Variants in FUBP3 observed in about 807,000 individuals in gnomAD.
The protein encoded by FUBP3 is far upstream element binding protein 3.
In FUBP3, 28 loss-of-function variants were observed where a neutral mutation model predicts 85.6. That is an observed-to-expected ratio of 0.33 (90% CI 0.24 to 0.45). FUBP3 has a LOEUF of 0.45. Among genes scored for constraint, FUBP3 ranks in the 20% least tolerant of loss-of-function variants. FUBP3 has a pLI of 1.00. For missense variants in FUBP3, 583 were observed against 755.1 expected, an observed-to-expected ratio of 0.77 and a Z score of 2.67; for synonymous variants, 271 against 271.4, an observed-to-expected ratio of 1.00 and a Z score of 0.01.
rs761598150 is a variant in FUBP3, at chr9:130,586,724, TC to T, written c.84+6961del. Among the ~76,000 whole-genome samples, 173 of 147,716 alleles carry T rather than the reference TC, an allele frequency of 1.2e-3. 1 individual carries two copies. The highest frequency in any genetic ancestry group is 2.9e-3 in the Admixed American group (42 of 14,526). ...AGAGGTGGTTGGGTGGTTTTTCATCTCAATGAGGTGGCTGAAGCAGCAATCT... is the reference window on the plus strand; with the variant it reads ...AGAGGTGGTTGGGTGGTTTTTCATCTAATGAGGTGGCTGAAGCAGCAATCT... On this transcript the variant is annotated intron_variant, in intron 1 of 18. Coordinates refer to ENST00000319725, the MANE Select transcript of FUBP3 (RefSeq NM_003934.2).
chr9:130,636,278 G>C, intron 18 of FUBP3, 152 bp downstream of exon 18: 1 of 796,230 alleles, frequency 1.3e-6, no homozygotes. Context: ...TCTGCTGAGA[G>C]CCCGGCTCCA....
chr9:130,586,578 A>G (rs1285786712), intron 1 of FUBP3, among the ~76,000 whole-genome samples: 1 of 151,836 alleles, frequency 6.6e-6, no homozygotes, highest in Non-Finnish European at 1.5e-5. Context: ...CTCATTTTAT[A>G]TTTGAAAATA....
intron 12 of FUBP3, 29 bp from the exon 13 acceptor site, chr9:130,630,599 C>G: frequency 6.4e-7 from 1 of 1,551,288 alleles, no homozygotes; most frequent in Non-Finnish European, 8.7e-7. Context: ...TCTCTGCTTA[C>G]TCTTCTGCCT....
intron 11 of FUBP3, among the ~76,000 whole-genome samples, chr9:130,624,648 TG>T (rs1261827563): frequency 7.4e-5 from 11 of 148,976 alleles, no homozygotes; most frequent in Admixed American, 3.3e-4. Context: ...TGTGTGTGTG[TG>T]TGTTTTTAAG....
At chr9:130,603,347 CAAA>C (rs34850259) in intron 2 of FUBP3, among the ~76,000 whole-genome samples, 1 of 83,818 alleles carries the variant, frequency 1.2e-5, no homozygotes, top group South Asian at 4.1e-4. Context: ...ACTCTGTCTC[CAAA>C]AAAAAAAAAA....
Position 130,613,035 on chromosome 9 carries a change from C to CT in FUBP3, c.346+13dup. Reference sequence around the variant, plus strand: ...AAATTCAGATTGCTTCAGGTAAGGGCTTTTTAAAAATAGATATCAATTTTG... The same window carrying CT: ...AAATTCAGATTGCTTCAGGTAAGGGCTTTTTTAAAAATAGATATCAATTTTG... On this transcript the variant is annotated intron_variant, in intron 5 of 18. Transcript: ENST00000319725. 1 of 1,575,640 alleles carries CT rather than the reference C, an allele frequency of 6.3e-7. No homozygotes were observed. Among genetic ancestry groups the CT allele is most frequent in the East Asian group, 2.2e-5 (1 of 44,740 alleles).
intron 2 of FUBP3, among the ~76,000 whole-genome samples, chr9:130,605,365 G>T (rs563547365): frequency 6.6e-6 from 1 of 152,328 alleles, no homozygotes; most frequent in East Asian, 1.9e-4. Context: ...GTGAGATGAA[G>T]AATGATCAAG....
chr9:130,596,697 T>C, intron 2 of FUBP3: 1 of 446,210 alleles, frequency 2.2e-6, no homozygotes, highest in South Asian at 1.6e-5. Flanking sequence ...TAGACTTGTT[T>C]GCAAATCTCA....
At chr9:130,621,548 A>G (rs1433077241) in intron 9 of FUBP3, among the ~76,000 whole-genome samples, 3 of 152,210 alleles carry the variant, frequency 2.0e-5, no homozygotes, top group African/African-American at 2.4e-5. Flanking sequence ...TCTTTTATCT[A>G]TAAGGCTTAT....
intron 2 of FUBP3, among the ~76,000 whole-genome samples, chr9:130,606,391 C>G (rs961394280): frequency 2.6e-5 from 4 of 152,150 alleles, no homozygotes; most frequent in African/African-American, 4.8e-5. Flanking sequence ...TCTCCCCACC[C>G]CCCCCCAACA....
Position 130,622,748 on chromosome 9 carries a change from G to T in FUBP3, c.812G>T (p.Arg271Ile). 1 of 1,602,212 alleles carries T rather than the reference G, an allele frequency of 6.2e-7. No individual in the cohort carries two copies. The highest frequency in any genetic ancestry group is 8.5e-7 in the Non-Finnish European group (1 of 1,171,670). Residue 271 changes from arginine to isoleucine, a missense_variant, in exon 10 of 19, where the codon AGA becomes ATA. By Grantham distance (97) the Arg-to-Ile change is moderately conservative (BLOSUM62 -3). Transcript: ENST00000319725. ...PRFAVGIVIG[R>I]NGEMIKKIQN... Reference sequence around the variant, plus strand: ...TTTGCTGTGGGGATTGTAATAGGAAGAAACGGGGAAATGATCAAAAAGATC... The same window carrying T: ...TTTGCTGTGGGGATTGTAATAGGAATAAACGGGGAAATGATCAAAAAGATC...
intron 5 of FUBP3, among the ~76,000 whole-genome samples, 166 bp from the exon 6 acceptor site, chr9:130,614,122 T>C (rs1831882055): frequency 6.6e-6 from 1 of 152,232 alleles, no homozygotes; most frequent in Non-Finnish European, 1.5e-5. Flanking sequence ...AGGGTGGAGC[T>C]ACCAGCTTAA....
Position 130,626,443 on chromosome 9 carries a change from G to T in FUBP3, c.1055G>T (p.Gly352Val). The change falls in exon 12 of 19, where the codon GGT (glycine) becomes GTT (valine). Residue 352 changes from glycine (G) to valine (V), a missense_variant. By Grantham distance (109) the Gly-to-Val change is moderately radical. Coordinates refer to ENST00000319725, the MANE Select transcript of FUBP3 (RefSeq NM_003934.2). Reference sequence around the variant, plus strand: ...GGCGACTGGAGCGTGGGAGCCCCTGGTGGCGTCCAGGAGATAACATACACG... The same window carrying T: ...GGCGACTGGAGCGTGGGAGCCCCTGTTGGCGTCCAGGAGATAACATACACG... ...GRGDWSVGAP[G>V]GVQEITYTVP... 7 of 1,614,184 alleles carry T rather than the reference G, an allele frequency of 4.3e-6. No individual in the cohort carries two copies. Among genetic ancestry groups the T allele is most frequent in the Non-Finnish European group, 5.1e-6 (6 of 1,180,030 alleles).
At chr9:130,611,903 C>T (rs761545114) in intron 3 of FUBP3, among the ~76,000 whole-genome samples, 2 of 152,034 alleles carry the variant, frequency 1.3e-5, no homozygotes, top group Non-Finnish European at 2.9e-5. Context: ...ACAGTGATTA[C>T]GCCTCCATCG....
Position 130,616,692 on chromosome 9 carries a change from C to A in FUBP3, c.567+175C>A, listed in dbSNP as rs556814008. On this transcript the variant is annotated intron_variant, in intron 7 of 18. Transcript: ENST00000319725. The surrounding 1 kb of genome is among the most constrained non-coding windows in gnomAD (Gnocchi z 4.7). ...AGCTTCTGAACATACACCACGGCCACGTCTGATGCCAAATATGATGCCAAG... is the reference window on the plus strand; with the variant it reads ...AGCTTCTGAACATACACCACGGCCAAGTCTGATGCCAAATATGATGCCAAG... Among the ~76,000 whole-genome samples, 1 of 152,230 alleles carries A rather than the reference C, an allele frequency of 6.6e-6. No homozygotes were observed.
chr9:130,606,543 G>T (rs568630963), intron 2 of FUBP3, among the ~76,000 whole-genome samples: 1 of 152,024 alleles, frequency 6.6e-6, no homozygotes, highest in Admixed American at 6.6e-5. Flanking sequence ...TGATGTGGCC[G>T]GGCGCGGTGG....
intron 1 of FUBP3, among the ~76,000 whole-genome samples, chr9:130,589,688 TATATATATATA>T (rs1366253718): frequency 3.2e-5 from 1 of 31,706 alleles, no homozygotes; most frequent in African/African-American, 1.3e-4. Flanking sequence ...TATATATATA[TATATATATATA>T]TATATATTTT....
chr9:130,585,136 G>A (rs1486169605), intron 1 of FUBP3, among the ~76,000 whole-genome samples: 1 of 152,172 alleles, frequency 6.6e-6, no homozygotes, highest in African/African-American at 2.4e-5. Context: ...CTCCAGCCTG[G>A]GCGACAAAGT....
At chr9:130,633,045 C>G (rs925842287) in intron 16 of FUBP3, among the ~76,000 whole-genome samples, 1 of 152,252 alleles carries the variant, frequency 6.6e-6, no homozygotes, top group Non-Finnish European at 1.5e-5. Context: ...CAGCCTGGCT[C>G]GGAGGGCCTG....
Sources: gnomAD v4.1 joint callset for allele counts (sites outside exome capture counted in the v4.1 genomes callset) on GRCh38, gnomAD v4.1.1 for gene constraint, Gnocchi (gnomAD v3.1) non-coding constraint, MANE v1.5 for transcripts, NCBI Gene and HGNC (gene_info 2026-07-23, HGNC 2026-07-21) for gene names.